Variants in CCDC88C observed in about 807,000 individuals in gnomAD.
CCDC88C encodes protein Daple.
Under a neutral mutation model 198.8 loss-of-function variants are expected in CCDC88C, and 131 were observed. That is an observed-to-expected ratio of 0.66 (90% confidence interval 0.57 to 0.76). CCDC88C has a LOEUF of 0.76. Ranked by LOEUF, CCDC88C falls within the 30% of genes least tolerant of loss-of-function variation. CCDC88C has a pLI of 0.00. For missense variants in CCDC88C, 2,553 were observed against 2,631.6 expected, an observed-to-expected ratio of 0.97 and a Z score of 0.65; for synonymous variants, 1,166 against 1,114.7, an observed-to-expected ratio of 1.05 and a Z score of -0.92.
chr14:91,312,887 C>T (rs576111391), intron 15 of CCDC88C, among the ~76,000 whole-genome samples, 193 bp downstream of exon 15: 5 of 152,288 alleles, frequency 3.3e-5, no homozygotes, highest in Middle Eastern at 3.4e-3. Context: ...CTATGAGAAG[C>T]GTTATCTCTG....
At chr14:91,377,589 C>G (rs971741818) in intron 3 of CCDC88C, among the ~76,000 whole-genome samples, 2 of 152,122 alleles carry the variant, frequency 1.3e-5, no homozygotes, top group African/African-American at 4.8e-5. Context: ...TTTTAACCCA[C>G]AGGATTCACA....
At chr14:91,311,898 G>A (rs1251956841) in intron 15 of CCDC88C, among the ~76,000 whole-genome samples, 1 of 151,822 alleles carries the variant, frequency 6.6e-6, no homozygotes, top group Admixed American at 6.6e-5. Context: ...ATACAAGGAT[G>A]TCTAGTATTA....
At chr14:91,389,082 A>G (rs1385328698) in intron 3 of CCDC88C, among the ~76,000 whole-genome samples, 1 of 152,200 alleles carries the variant, frequency 6.6e-6, no homozygotes, top group South Asian at 2.1e-4. Flanking sequence ...GGGAAACTGA[A>G]GTACACAGAG....
intron 12 of CCDC88C, among the ~76,000 whole-genome samples, chr14:91,322,457 T>G (rs962673026): frequency 6.6e-6 from 1 of 151,606 alleles, no homozygotes; most frequent in Non-Finnish European, 1.5e-5. Context: ...AGCCCAGCAC[T>G]GACACACACA....
At chr14:91,330,513 G>C (rs567710667) in intron 10 of CCDC88C, among the ~76,000 whole-genome samples, 2 of 152,308 alleles carry the variant, frequency 1.3e-5, no homozygotes, top group African/African-American at 4.8e-5. Context: ...AGTAACATGA[G>C]CGAGGATGCC....
chr14:91,343,084 A>C (rs1195222021), intron 5 of CCDC88C, among the ~76,000 whole-genome samples: 1 of 152,128 alleles, frequency 6.6e-6, no homozygotes, highest in Non-Finnish European at 1.5e-5. Context: ...CCTCCCGAGT[A>C]GCCGGGACTA....
intron 24 of CCDC88C, among the ~76,000 whole-genome samples, chr14:91,290,486 C>T (rs533217137): frequency 1.1e-4 from 17 of 152,308 alleles, no homozygotes; most frequent in African/African-American, 4.1e-4. Flanking sequence ...GCCAGCCCCA[C>T]TTGGGGAGAG....
chr14:91,347,010 T>G (rs976743655), intron 4 of CCDC88C, among the ~76,000 whole-genome samples: 1 of 152,144 alleles, frequency 6.6e-6, no homozygotes, highest in African/African-American at 2.4e-5. Flanking sequence ...CCCCTTTCCC[T>G]TTTGTCGGCC....
intron 25 of CCDC88C, chr14:91,285,429 C>G: frequency 2.4e-6 from 1 of 418,332 alleles, no homozygotes; most frequent in Non-Finnish European, 4.7e-6. Context: ...GACATGTGCA[C>G]GTATATCCTG....
At position 91,313,642 on chromosome 14, in the gene CCDC88C, T is replaced by C. The variant is rs1219616139; in HGVS notation, c.2174A>G (p.Gln725Arg). The change falls in exon 15 of 30, where the codon CAG becomes CGG. Residue 725 changes from glutamine to arginine, a missense_variant. Transcript: ENST00000389857. The surrounding 1 kb of genome is among the most constrained non-coding windows in gnomAD (Gnocchi z 5.2). Reference sequence around the variant, plus strand: ...CAGCTGCTGGTTCTCCCTCTCCATCTGTGCCAGCTTGGTGCTGGTGAAGCG... The same window carrying C: ...CAGCTGCTGGTTCTCCCTCTCCATCCGTGCCAGCTTGGTGCTGGTGAAGCG... ...TMRFTSTKLA[Q>R]MERENQQLER... is the part of the protein sequence containing the mutation. The C allele has an allele frequency of 6.2e-7, 1 of 1,612,656 alleles. No homozygotes were observed. The highest frequency in any genetic ancestry group is 8.5e-7 in the Non-Finnish European group (1 of 1,179,888).
At chr14:91,405,578 A>G (rs1886439525) in intron 3 of CCDC88C, among the ~76,000 whole-genome samples, 1 of 152,200 alleles carries the variant, frequency 6.6e-6, no homozygotes, top group Non-Finnish European at 1.5e-5. Flanking sequence ...AATTGTATAT[A>G]TGGCAACAAC....
intron 3 of CCDC88C, among the ~76,000 whole-genome samples, chr14:91,407,221 C>T (rs1456891774): frequency 6.6e-6 from 1 of 152,166 alleles, no homozygotes; most frequent in Non-Finnish European, 1.5e-5. Flanking sequence ...GGAACTGGGC[C>T]CAGCACAAAG....
At chr14:91,300,964 A>G (rs1444930948) in intron 20 of CCDC88C, among the ~76,000 whole-genome samples, 1 of 152,164 alleles carries the variant, frequency 6.6e-6, no homozygotes, top group East Asian at 1.9e-4. Context: ...TCACACCCAA[A>G]GACAATCTGA....
At position 91,288,918 on chromosome 14, in the gene CCDC88C, A is replaced by G. The variant is rs1051963833; in HGVS notation, c.4441+187T>C. 7 of 538,328 alleles carry G rather than the reference A, an allele frequency of 1.3e-5. No homozygotes were observed. Among genetic ancestry groups the G allele is most frequent in the Non-Finnish European group, 2.3e-5 (7 of 306,708 alleles). 33.3% of individuals were successfully genotyped at this position (538,328 alleles called of 1,614,324 possible). ...AAATAAAATATAAAATAAAGTAACAAAAGCATTATGGGACAAAACGGTCGC... is the reference window on the plus strand; with the variant it reads ...AAATAAAATATAAAATAAAGTAACAGAAGCATTATGGGACAAAACGGTCGC... On this transcript the variant is annotated intron_variant, in intron 25 of 29. Transcript: ENST00000389857. This position sits in a 1 kb window ranked among gnomAD's most constrained non-coding sequence, Gnocchi z 4.2.
rs961558409 is a variant in CCDC88C at position 91,303,738 on chromosome 14, G to C, written c.3598C>G (p.Arg1200Gly). ...RQHSCLKTLH[R>G]NLELEHKELG... Reference sequence around the variant, plus strand: ...TCCTTGTGCTCCAGCTCCAGATTCCGATGCAGTGTCTTTAGGCAGCTGTGC... The same window carrying C: ...TCCTTGTGCTCCAGCTCCAGATTCCCATGCAGTGTCTTTAGGCAGCTGTGC... Residue 1200 changes from arginine to glycine, a missense_variant, in exon 20 of 30, where the codon CGG becomes GGG. Around this residue, in one of 2 missense-constraint regions of CCDC88C, gnomAD observed 1,293 missense variants for 1,219.6 expected, o/e 1.06. Transcript: ENST00000389857. 2 of 1,607,830 alleles carry C rather than the reference G, an allele frequency of 1.2e-6. No homozygotes were observed. Among genetic ancestry groups the C allele is most frequent in the Middle Eastern group, 1.7e-4 (1 of 6,050 alleles).
chr14:91,335,240 T>C (rs1892999792), intron 10 of CCDC88C, among the ~76,000 whole-genome samples: 2 of 152,186 alleles, frequency 1.3e-5, no homozygotes, highest in East Asian at 1.9e-4. Flanking sequence ...TGGGGCCACG[T>C]AGCCTGAGTG....
Position 91,325,326 on chromosome 14 carries a change from A to G in CCDC88C, c.1198-403T>C, listed in dbSNP as rs972345463. 3.3e-5 allele frequency among the ~76,000 whole-genome samples: 5 copies of G among 152,076 alleles called. No individual in the cohort carries two copies. The highest frequency in any genetic ancestry group is 2.6e-4 in the Admixed American group (4 of 15,282). The stretch of plus-strand genomic sequence containing the variant: ...CCCCACACCATCAACACTGGCAAAG[A>G]CCCTTCTTCCAAGACACACACACAC... On this transcript the variant is annotated intron_variant, in intron 11 of 29. Transcript: ENST00000389857. This position sits in a 1 kb window ranked among gnomAD's most constrained non-coding sequence, Gnocchi z 4.1.
intron 23 of CCDC88C, among the ~76,000 whole-genome samples, chr14:91,291,758 T>C (rs1325934491): frequency 3.3e-5 from 5 of 151,930 alleles, no homozygotes; most frequent in Non-Finnish European, 7.4e-5. Context: ...TGAAGCCAAA[T>C]CTCCCGATTC....
At chr14:91,383,506 G>C (rs1884936385) in intron 3 of CCDC88C, among the ~76,000 whole-genome samples, 2 of 152,186 alleles carry the variant, frequency 1.3e-5, no homozygotes, top group Non-Finnish European at 2.9e-5. Context: ...GGTGGAGAAA[G>C]TGGGGAGCCA....
Sources: gnomAD v4.1 joint callset for allele counts (sites outside exome capture counted in the v4.1 genomes callset) on GRCh38, gnomAD v4.1.1 for gene constraint, gnomAD v4.1.1 regional missense constraint, Gnocchi (gnomAD v3.1) non-coding constraint, MANE v1.5 for transcripts, NCBI Gene and HGNC (gene_info 2026-07-23, HGNC 2026-07-21) for gene names.